The following DSCAML1 variants were observed in gnomAD, a reference collection of about 807,000 sequenced individuals.
DSCAML1 encodes the protein cell adhesion molecule DSCAML1.
DSCAML1 carries 38 observed loss-of-function variants against 200.5 expected under a neutral mutation model. The observed-to-expected ratio is 0.19, with a 90% CI of 0.15 to 0.25. The LOEUF (loss-of-function observed/expected upper bound fraction) is 0.25. DSCAML1 is among the 10% of genes least tolerant of loss of function. The pLI is 1.00. For synonymous variants in DSCAML1, 1,215 were observed against 1,165.0 expected (o/e 1.04, Z -0.87); for missense variants, 2,223 against 2,858.8 (o/e 0.78, Z 5.07).
At chr11:117,597,899 T>C (rs2051392402) in intron 3 of DSCAML1, among the ~76,000 whole-genome samples, 1 of 136,554 alleles carries the variant, frequency 7.3e-6, no homozygotes, top group African/African-American at 2.9e-5. Flanking sequence ...AGGAATATTG[T>C]CTTTACTTAA....
rs1452093628 is a variant in DSCAML1, at chr11:117,780,225, A to G, written c.364+268T>C. Among the ~76,000 whole-genome samples the G allele has an allele frequency of 5.0e-5, 6 of 119,230 alleles. No individual in the cohort carries two copies. Among genetic ancestry groups the G allele is most frequent in the African/African-American group, 2.2e-4 (6 of 27,670 alleles). 78.2% of individuals were successfully genotyped at this position (119,230 alleles called of 152,430 possible). Reference sequence around the variant, plus strand: ...AGAAAGAAAGAGAGAGAGAGAAAGAAAGAAAGGAAAGAAAGAAAGAAAGAA... The same window carrying G: ...AGAAAGAAAGAGAGAGAGAGAAAGAGAGAAAGGAAAGAAAGAAAGAAAGAA... On this transcript the variant is annotated intron_variant, in intron 2 of 32. Transcript: ENST00000651296. This position sits in a 1 kb window ranked among gnomAD's most constrained non-coding sequence, Gnocchi z 4.8.
chr11:117,677,052 C>T (rs1033583409), intron 3 of DSCAML1, among the ~76,000 whole-genome samples: 3 of 152,192 alleles, frequency 2.0e-5, no homozygotes, highest in African/African-American at 7.2e-5. Flanking sequence ...GTGGTGGTTT[C>T]TTCACATCTC....
intron 3 of DSCAML1, among the ~76,000 whole-genome samples, chr11:117,552,823 A>C (rs580714): frequency 0.15 from 23,341 of 151,798 alleles, 2,083 homozygotes; most frequent in South Asian, 0.4. Flanking sequence ...CCATGAAGTC[A>C]CTCCACTGGC....
chr11:117,580,650 T>A (rs1375138950), intron 3 of DSCAML1, among the ~76,000 whole-genome samples: 1 of 152,196 alleles, frequency 6.6e-6, no homozygotes, highest in Non-Finnish European at 1.5e-5. Flanking sequence ...GGTTCCCTGC[T>A]TAGGATTTCC....
At chr11:117,543,205 A>G (rs1299133726) in intron 3 of DSCAML1, among the ~76,000 whole-genome samples, 1 of 152,198 alleles carries the variant, frequency 6.6e-6, no homozygotes, top group Non-Finnish European at 1.5e-5. Context: ...GAGAAAAAAA[A>G]TCCTGCCATG....
intron 3 of DSCAML1, among the ~76,000 whole-genome samples, chr11:117,586,292 T>C (rs1380123679): frequency 1.8e-5 from 1 of 55,974 alleles, no homozygotes; most frequent in Non-Finnish European, 3.5e-5. Context: ...TTGCACTCTA[T>C]GGGAGGGTGG....
intron 3 of DSCAML1, among the ~76,000 whole-genome samples, chr11:117,617,676 A>ACACG (rs1314808136): frequency 3.7e-4 from 39 of 106,204 alleles, no homozygotes; most frequent in Admixed American, 5.6e-4. Context: ...ACACACAGGT[A>ACACG]CACGCACACA....
chr11:117,710,057 T>C (rs1185056625), intron 3 of DSCAML1, among the ~76,000 whole-genome samples: 2 of 152,226 alleles, frequency 1.3e-5, no homozygotes, highest in African/African-American at 4.8e-5. Flanking sequence ...GACCTTGTCC[T>C]GCTGACAGAT....
At chr11:117,746,161 A>T (rs1381700526) in intron 3 of DSCAML1, among the ~76,000 whole-genome samples, 1 of 143,158 alleles carries the variant, frequency 7.0e-6, no homozygotes, top group East Asian at 2.1e-4. Flanking sequence ...GGCGGAGCTT[A>T]CAGTGAGCCC....
chr11:117,428,483 G>A lies in DSCAML1; in HGVS notation c.6007C>T (p.Pro2003Ser), dbSNP rs1356702257. Residue 2003 changes from proline to serine, a missense_variant, in exon 33 of 33, where the codon CCT (proline) becomes TCT (serine). This residue lies in a region of DSCAML1 where 280 missense variants were observed against 213.4 expected (regional missense o/e 1.31). Coordinates refer to ENST00000651296, the MANE Select transcript of DSCAML1 (RefSeq NM_020693.4). Reference protein sequence around the residue: ...AEPPTAPSAAPPAPSTEPPRA... With the variant: ...AEPPTAPSAASPAPSTEPPRA... ...GGAGGCTCGGTGCTGGGGGCCGGAG[G>A]GGCAGCGCTGGGGGCGGTGGGTGGC... 2 of 1,534,032 alleles carry A rather than the reference G, an allele frequency of 1.3e-6. No individual in the cohort carries two copies. Among genetic ancestry groups the A allele is most frequent in the East Asian group, 2.3e-5 (1 of 43,746 alleles).
chr11:117,482,334 C>T (rs2048945446), intron 11 of DSCAML1, among the ~76,000 whole-genome samples, 172 bp from the exon 12 acceptor site: 1 of 152,192 alleles, frequency 6.6e-6, no homozygotes, highest in Non-Finnish European at 1.5e-5. Flanking sequence ...CCATCCATGA[C>T]TGGGGCAGCC....
At chr11:117,711,302 CTCTCAAAA>C (rs1302862974) in intron 3 of DSCAML1, among the ~76,000 whole-genome samples, 1 of 152,182 alleles carries the variant, frequency 6.6e-6, no homozygotes, top group Non-Finnish European at 1.5e-5. Flanking sequence ...CACTCTCAAA[CTCTCAAAA>C]ATGTGCTGAC....
intron 3 of DSCAML1, among the ~76,000 whole-genome samples, chr11:117,695,633 C>T (rs914571602): frequency 4.6e-5 from 7 of 152,114 alleles, no homozygotes; most frequent in East Asian, 3.9e-4. Flanking sequence ...AACCCCAAAA[C>T]GTGAATTCCA....
intron 3 of DSCAML1, among the ~76,000 whole-genome samples, chr11:117,776,134 C>T (rs995693416): frequency 3.9e-5 from 6 of 152,170 alleles, no homozygotes; most frequent in Admixed American, 3.9e-4. Flanking sequence ...TTTCCTGTGG[C>T]TGACACAACC....
intron 3 of DSCAML1, among the ~76,000 whole-genome samples, chr11:117,671,416 C>T (rs2053103672): frequency 6.6e-6 from 1 of 152,200 alleles, no homozygotes; most frequent in Non-Finnish European, 1.5e-5. Context: ...CTAAACCCAG[C>T]ACACACATAA....
chr11:117,620,749 A>G (rs191099102), intron 3 of DSCAML1, among the ~76,000 whole-genome samples: 1 of 152,358 alleles, frequency 6.6e-6, no homozygotes, highest in East Asian at 1.9e-4. Context: ...AATACTAGAA[A>G]GAGTGGACTT....
intron 3 of DSCAML1, among the ~76,000 whole-genome samples, chr11:117,534,590 A>T (rs986170901): frequency 2.0e-5 from 3 of 152,166 alleles, no homozygotes; most frequent in Non-Finnish European, 4.4e-5. Flanking sequence ...CTTCAGGGTT[A>T]ACAGCCTTAG....
chr11:117,755,297 T>C (rs924329601), intron 3 of DSCAML1, among the ~76,000 whole-genome samples: 1 of 152,106 alleles, frequency 6.6e-6, no homozygotes, highest in Non-Finnish European at 1.5e-5. Flanking sequence ...GGGAAGACAG[T>C]TGTTTAAGGA....
chr11:117,710,664 G>C (rs141711961), intron 3 of DSCAML1, among the ~76,000 whole-genome samples: 1 of 152,302 alleles, frequency 6.6e-6, no homozygotes, highest in South Asian at 2.1e-4. Context: ...GCCTACCTGT[G>C]AGGTCATTAG....
Sources: gnomAD v4.1 joint callset for allele counts (sites outside exome capture counted in the v4.1 genomes callset) on GRCh38, gnomAD v4.1.1 for gene constraint, gnomAD v4.1.1 regional missense constraint, Gnocchi (gnomAD v3.1) non-coding constraint, MANE v1.5 for transcripts, NCBI Gene and HGNC (gene_info 2026-07-23, HGNC 2026-07-21) for gene names.